CLRN3: variants seen among roughly 807,000 people sequenced by gnomAD.
CLRN3 encodes clarin-3.
A neutral mutation model predicts 16.7 loss-of-function variants in CLRN3; 12 were observed. The ratio of observed to expected loss-of-function variants is 0.72; its 90% CI spans 0.46 to 1.16. The LOEUF is 1.16. Among genes scored for constraint, CLRN3 ranks in the 50% most tolerant of loss-of-function variants. The pLI is 0.00. For synonymous variants in CLRN3, 118 were observed against 113.0 expected, an observed-to-expected ratio of 1.04 and a Z score of -0.28; for missense variants, 296 against 274.2, an observed-to-expected ratio of 1.08 and a Z score of -0.56.
In CLRN3 at chr10:127,883,750, G is replaced by T. The variant is rs768207259; in HGVS notation, c.355C>A (p.Pro119Thr). 29 of 1,613,870 alleles carry T rather than the reference G, an allele frequency of 1.8e-5. No individual in the cohort carries two copies. Among genetic ancestry groups the T allele is most frequent in the Admixed American group, 5.0e-5 (3 of 60,022 alleles). Residue 119 changes from proline to threonine, a missense_variant, in exon 2 of 3, where the codon CCT (proline) becomes ACT (threonine). By Grantham distance (38) the Pro-to-Thr change is conservative (BLOSUM62 -1). Coordinates refer to ENST00000368671, the MANE Select transcript of CLRN3 (RefSeq NM_152311.5). ...GTCGGCCCCAGGAATGTCTGGTAAGGGTTGCTGATGCTGTTGTAGAAGGTA... is the reference window on the plus strand; with the variant it reads ...GTCGGCCCCAGGAATGTCTGGTAAGTGTTGCTGATGCTGTTGTAGAAGGTA... ...GFTFYNSISN[P>T]YQTFLGPTGV...
At chr10:127,890,596 T>C (rs1845247046) in intron 1 of CLRN3, among the ~76,000 whole-genome samples, 1 of 152,138 alleles carries the variant, frequency 6.6e-6, no homozygotes, top group Non-Finnish European at 1.5e-5. Context: ...AAATTCTCAA[T>C]TGGAACAGTC....
At chr10:127,887,596 A>G (rs1845210943) in intron 1 of CLRN3, among the ~76,000 whole-genome samples, 2 of 152,120 alleles carry the variant, frequency 1.3e-5, no homozygotes, top group African/African-American at 4.8e-5. Flanking sequence ...TTAAGGTGAC[A>G]ATTCATCTTG....
rs1457160607 is a variant in CLRN3 at position 127,892,880 on chromosome 10, A to T, written c.-96T>A. ...TTTGAAGTCTGGTATTTAGAAATGG[A>T]GTCTAACACTTTATTGTCAAATATA... On this transcript the variant is annotated 5_prime_UTR_variant, in exon 1 of 3. Transcript: ENST00000368671. 5.7e-6 allele frequency: 4 copies of T among 707,068 alleles called. No individual in the cohort carries two copies. In the East Asian group the frequency reaches 7.8e-5, roughly 14 times the overall value. The allele number at this position is 707,068 out of a possible 1,614,324, so 43.8% of individuals were successfully genotyped here.
rs143323290 is a variant in CLRN3, at chr10:127,883,713, G to A, written c.392C>T (p.Thr131Ile). ...CCACTCACCACCGAGCCCGTTCCAG[G>A]TGTACACCCCCGTCGGCCCCAGGAA... ...QTFLGPTGVY[T>I]WNGLGASFVF... Residue 131 changes from threonine to isoleucine, a missense_variant, in exon 2 of 3, where the codon ACC becomes ATC. Coordinates refer to ENST00000368671, the MANE Select transcript of CLRN3 (RefSeq NM_152311.5). 9.3e-6 allele frequency: 15 copies of A among 1,613,238 alleles called. No individual in the cohort carries two copies. The highest frequency in any genetic ancestry group is 1.3e-5 in the Non-Finnish European group (15 of 1,179,376).
At chr10:127,889,650 A>G (rs114469281) in intron 1 of CLRN3, among the ~76,000 whole-genome samples, 1,933 of 152,332 alleles carry the variant, frequency 0.013, 28 homozygotes, top group African/African-American at 0.043. Context: ...CAACAACAAC[A>G]AAACTATCAT....
intron 1 of CLRN3, among the ~76,000 whole-genome samples, chr10:127,891,051 G>A (rs1274640476): frequency 4.6e-5 from 7 of 152,166 alleles, no homozygotes; most frequent in African/African-American, 1.4e-4. Flanking sequence ...TTAAAGTAGA[G>A]ATCCAGCAAA....
intron 1 of CLRN3, among the ~76,000 whole-genome samples, chr10:127,891,426 T>C (rs968557740): frequency 2.0e-5 from 3 of 152,224 alleles, no homozygotes; most frequent in Non-Finnish European, 4.4e-5. Context: ...GCTATTCACA[T>C]AACTGAAAGC....
intron 2 of CLRN3, among the ~76,000 whole-genome samples, chr10:127,882,023 T>C (rs1845134323): frequency 6.6e-6 from 1 of 152,242 alleles, no homozygotes. Context: ...CCAATTGGTT[T>C]ACCTTGGTTT....
intron 2 of CLRN3, among the ~76,000 whole-genome samples, chr10:127,883,229 T>C (rs1184238585): frequency 6.6e-6 from 1 of 152,102 alleles, no homozygotes; most frequent in African/African-American, 2.4e-5. Context: ...ACTCTTGTCA[T>C]GTGGAGGAGG....
intron 1 of CLRN3, among the ~76,000 whole-genome samples, chr10:127,885,908 A>T (rs1845188635): frequency 6.6e-6 from 1 of 152,068 alleles, no homozygotes; most frequent in African/African-American, 2.4e-5. Context: ...GGCATGCACC[A>T]CCATGCCAGG....
At chr10:127,882,835 G>A (rs1462970509) in intron 2 of CLRN3, among the ~76,000 whole-genome samples, 5 of 152,152 alleles carry the variant, frequency 3.3e-5, no homozygotes, top group Admixed American at 2.6e-4. Flanking sequence ...CATTCCCAAG[G>A]TCCAGTTTTG....
Position 127,890,194 on chromosome 10 carries a change from C to T in CLRN3, c.229+2362G>A, listed in dbSNP as rs117482024. 2.1e-4 allele frequency among the ~76,000 whole-genome samples: 32 copies of T among 152,302 alleles called. No individual in the cohort carries two copies. The East Asian group carries it at 3.3e-3, about 16-fold the overall frequency. On this transcript the variant is annotated intron_variant, in intron 1 of 2. Transcript: ENST00000368671. ...AGCTGCTCAGGGAAGTTTTTTTGAA[C>T]AGAAATTAGATCTCCAGAACTTTGG...
At chr10:127,879,957 T>C (rs1228091999) in intron 2 of CLRN3, among the ~76,000 whole-genome samples, 1 of 152,086 alleles carries the variant, frequency 6.6e-6, no homozygotes, top group Non-Finnish European at 1.5e-5. Flanking sequence ...CGGAACTCAG[T>C]GGACATCAAA....
chr10:127,885,571 T>G (rs1845183571), intron 1 of CLRN3, among the ~76,000 whole-genome samples: 1 of 152,174 alleles, frequency 6.6e-6, no homozygotes, highest in South Asian at 2.1e-4. Flanking sequence ...CTATTTCTCT[T>G]TCTCTCTTTT....
intron 1 of CLRN3, among the ~76,000 whole-genome samples, chr10:127,889,819 C>G (rs1038572244): frequency 1.3e-5 from 2 of 152,224 alleles, no homozygotes; most frequent in African/African-American, 4.8e-5. Flanking sequence ...GCACATTGTG[C>G]TTCCGGGGCC....
chr10:127,882,771 T>C (rs1186544138), intron 2 of CLRN3, among the ~76,000 whole-genome samples: 1 of 152,226 alleles, frequency 6.6e-6, no homozygotes, highest in African/African-American at 2.4e-5. Context: ...TTAAAATGCG[T>C]CACCTGGAGC....
intron 1 of CLRN3, among the ~76,000 whole-genome samples, chr10:127,888,435 G>C (rs774953075): frequency 2.0e-5 from 3 of 152,266 alleles, no homozygotes; most frequent in Admixed American, 6.5e-5. Flanking sequence ...ATCTCCTTAT[G>C]TGGACAGGGT....
chr10:127,879,169 G>C (rs928241294), intron 2 of CLRN3, among the ~76,000 whole-genome samples: 13 of 152,084 alleles, frequency 8.5e-5, no homozygotes, highest in African/African-American at 3.1e-4. Flanking sequence ...AAGTGCAGTG[G>C]TACAATCTCA....
In CLRN3 at chr10:127,878,378, G is replaced by A. The variant is rs752339059; in HGVS notation, c.452C>T (p.Thr151Met). ...CTCTTCGGAGAGTTGGTTGGACTGC[G>A]TGTTCGCCACAAACAGTATCATGGT... ...FVTMILFVAN[T>M]QSNQLSEELF... Residue 151 changes from threonine to methionine, a missense_variant, in exon 3 of 3, where the codon ACG (threonine) becomes ATG (methionine). Coordinates refer to ENST00000368671, the MANE Select transcript of CLRN3 (RefSeq NM_152311.5). The A allele has an allele frequency of 8.1e-6, 13 of 1,614,214 alleles. 1 individual carries two copies. In the South Asian group the frequency reaches 1.1e-4, roughly 14 times the overall value.
Sources: allele counts gnomAD v4.1 joint callset (sites outside exome capture counted in the v4.1 genomes callset), GRCh38; gene constraint gnomAD v4.1.1; transcripts MANE v1.5; gene names NCBI Gene and HGNC (gene_info 2026-07-23, HGNC 2026-07-21).